Variants in APBA2 observed in about 807,000 individuals in gnomAD.
APBA2 encodes the protein amyloid beta precursor protein binding family A member 2.
A neutral mutation model predicts 75.0 loss-of-function variants in APBA2; 30 were observed. That is an observed-to-expected ratio of 0.40 (90% CI 0.30 to 0.54). APBA2 has a LOEUF of 0.54. Ranked by LOEUF, APBA2 falls within the 20% of genes least tolerant of loss-of-function variation. The probability of loss-of-function intolerance (pLI) is 0.49; values close to 1 mark genes in which losing one functional copy is unlikely to be tolerated. For missense variants in APBA2, 801 were observed against 1,016.1 expected (o/e 0.79, Z 2.88); for synonymous variants, 444 against 409.6 (o/e 1.08, Z -1.01).
chr15:29,101,218 T>C (rs79402957), intron 9 of APBA2, among the ~76,000 whole-genome samples: 7 of 4,514 alleles, frequency 1.6e-3, no homozygotes, highest in African/African-American at 1.6e-3. Flanking sequence ...TTGGAGTGCC[T>C]TTTTTTTTTT....
chr15:29,076,142 A>C, intron 6 of APBA2, 51 bp downstream of exon 6: 1 of 1,583,414 alleles, frequency 6.3e-7, no homozygotes, highest in Non-Finnish European at 8.7e-7. Context: ...TTTTACATCA[A>C]AATAAATGGT....
At chr15:28,917,508 A>T (rs2033739301) in intron 1 of APBA2, among the ~76,000 whole-genome samples, 3 of 151,628 alleles carry the variant, frequency 2.0e-5, no homozygotes, top group Admixed American at 2.0e-4. Context: ...AATAGATTTA[A>T]TTTTTTTTTC....
At chr15:28,933,753 A>G (rs991016466) in intron 2 of APBA2, among the ~76,000 whole-genome samples, 7 of 152,156 alleles carry the variant, frequency 4.6e-5, no homozygotes, top group Admixed American at 1.3e-4. Flanking sequence ...TCTCCAGAGC[A>G]CCTCTATCCC....
At chr15:28,944,707 CAG>C (rs2035444070) in intron 2 of APBA2, among the ~76,000 whole-genome samples, 1 of 152,234 alleles carries the variant, frequency 6.6e-6, no homozygotes, top group South Asian at 2.1e-4. Flanking sequence ...GAGATACGTG[CAG>C]AGAGGGGCAG....
intron 1 of APBA2, among the ~76,000 whole-genome samples, chr15:28,893,704 G>A (rs1335788501): frequency 6.6e-6 from 1 of 152,210 alleles, no homozygotes; most frequent in African/African-American, 2.4e-5. Context: ...CAGGTTGGAT[G>A]TGCGGTTGTT....
At chr15:29,033,780 T>G (rs887322269) in intron 3 of APBA2, among the ~76,000 whole-genome samples, 2 of 151,732 alleles carry the variant, frequency 1.3e-5, no homozygotes, top group Non-Finnish European at 2.9e-5. Flanking sequence ...CTAATAACGG[T>G]GAAACCCCGT....
intron 3 of APBA2, among the ~76,000 whole-genome samples, chr15:29,034,735 G>A (rs1332792584): frequency 6.6e-6 from 1 of 152,198 alleles, no homozygotes; most frequent in Non-Finnish European, 1.5e-5. Flanking sequence ...AGACTTGCAG[G>A]CATCAGAATC....
At chr15:29,016,050 A>C (rs2039647009) in intron 3 of APBA2, among the ~76,000 whole-genome samples, 1 of 152,204 alleles carries the variant, frequency 6.6e-6, no homozygotes, top group Non-Finnish European at 1.5e-5. Context: ...CAAGGTCAAG[A>C]GATCGAGACC....
At chr15:28,970,222 T>C (rs1048543109) in intron 2 of APBA2, 9 of 152,126 alleles carry the variant, frequency 5.9e-5, no homozygotes, top group African/African-American at 2.2e-4. Context: ...TGTTTTATTA[T>C]ATACTGTTAC....
chr15:29,022,880 G>A (rs1341768274), intron 3 of APBA2, among the ~76,000 whole-genome samples: 2 of 118,506 alleles, frequency 1.7e-5, no homozygotes, highest in South Asian at 4.9e-4. Context: ...GGAATGTAGT[G>A]TATTTTTTTC....
chr15:29,113,550 C>G (rs772019213), intron 13 of APBA2, among the ~76,000 whole-genome samples: 1 of 152,108 alleles, frequency 6.6e-6, no homozygotes, highest in South Asian at 2.1e-4. Context: ...CCGTAGGAGG[C>G]CAGGTGGCAG....
At chr15:29,038,329 C>G (rs2040849572) in intron 3 of APBA2, among the ~76,000 whole-genome samples, 1 of 152,208 alleles carries the variant, frequency 6.6e-6, no homozygotes, top group Non-Finnish European at 1.5e-5. Flanking sequence ...CCGAGGGCTA[C>G]TTGGGAATTC....
At chr15:28,899,432 G>A (rs939275362) in intron 1 of APBA2, among the ~76,000 whole-genome samples, 7 of 152,348 alleles carry the variant, frequency 4.6e-5, no homozygotes, top group Admixed American at 2.0e-4. Context: ...TTTGTCTGAC[G>A]ACTGTTGACC....
intron 2 of APBA2, among the ~76,000 whole-genome samples, chr15:28,933,979 G>T (rs2034706715): frequency 1.3e-5 from 2 of 152,294 alleles, no homozygotes; most frequent in Non-Finnish European, 2.9e-5. Context: ...GGGGGCATGG[G>T]CTGGAGGTGG....
chr15:29,039,254 A>G (rs936195893), intron 3 of APBA2, among the ~76,000 whole-genome samples: 7 of 151,594 alleles, frequency 4.6e-5, no homozygotes, highest in African/African-American at 1.7e-4. Context: ...TTTATGTGTT[A>G]TTAAAGAAGG....
chr15:28,901,926 G>GTGTGTGTGTGTGTGTGTC (rs1331240657), intron 1 of APBA2, among the ~76,000 whole-genome samples: 1 of 142,090 alleles, frequency 7.0e-6, no homozygotes. Flanking sequence ...GTGTGTGTGT[G>GTGTGTGTGTGTGTGTGTC]TGTGTGTGTG....
At chr15:28,963,401 C>T (rs2036577204) in intron 2 of APBA2, among the ~76,000 whole-genome samples, 1 of 152,188 alleles carries the variant, frequency 6.6e-6, no homozygotes, top group Admixed American at 6.5e-5. Flanking sequence ...TGCTGAGGAC[C>T]TTGCCTGAAA....
chr15:28,886,430 G>GACTC (rs2031728128), intron 1 of APBA2, among the ~76,000 whole-genome samples, 152 bp downstream of exon 1: 1 of 151,066 alleles, frequency 6.6e-6, no homozygotes, highest in Non-Finnish European at 1.5e-5. Flanking sequence ...CGTGGCTGCG[G>GACTC]GGCGGCCGCC....
intron 1 of APBA2, among the ~76,000 whole-genome samples, chr15:28,901,946 T>TGTGTGTGTGTG (rs1440362339): frequency 7.2e-4 from 12 of 16,562 alleles, no homozygotes; most frequent in African/African-American, 2.0e-3. Context: ...GTGTGTATGT[T>TGTGTGTGTGTG]GGGGGTCTGG....
Sources: allele counts gnomAD v4.1 joint callset (sites outside exome capture counted in the v4.1 genomes callset), GRCh38; gene constraint gnomAD v4.1.1; transcripts MANE v1.5; gene names NCBI Gene and HGNC (gene_info 2026-07-23, HGNC 2026-07-21).